C16orf96: variants seen among roughly 807,000 people sequenced by gnomAD.
The protein encoded by C16orf96 is chromosome 16 open reading frame 96.
Under a neutral mutation model 103.6 loss-of-function variants are expected in C16orf96, and 108 were observed. The ratio of observed to expected loss-of-function variants is 1.04; its 90% CI spans 0.89 to 1.22. The LOEUF is 1.22. Among genes scored for constraint, C16orf96 ranks in the 50% most tolerant of loss-of-function variants. The pLI is 0.00. For missense variants in C16orf96, 1,586 were observed against 1,464.2 expected (o/e 1.08, Z -1.36); for synonymous variants, 566 against 593.5 (o/e 0.95, Z 0.67).
At chr16:4,542,778 C>T in the C16orf96 span, among the ~76,000 whole-genome samples, 2 of 151,802 alleles carry the variant, frequency 1.3e-5, no homozygotes, top group Non-Finnish European at 2.9e-5. Flanking sequence ...GCCTGGGCGA[C>T]AAGCAAAACT....
At chr16:4,573,767 A>T (rs895355833) in intron 2 of C16orf96, among the ~76,000 whole-genome samples, 4 of 146,932 alleles carry the variant, frequency 2.7e-5, no homozygotes, top group African/African-American at 1.0e-4. Context: ...AAAAAAAAAA[A>T]GAAAAAAGAA....
At chr16:4,556,334 C>T (rs2059261969), upstream of C16orf96, among the ~76,000 whole-genome samples, 1 of 152,140 alleles carries the variant, frequency 6.6e-6, no homozygotes, top group Non-Finnish European at 1.5e-5. Flanking sequence ...GATCTGAGCT[C>T]CAGCCAGAAC....
At chr16:4,546,069 C>G in the C16orf96 span, among the ~76,000 whole-genome samples, 2 of 151,480 alleles carry the variant, frequency 1.3e-5, no homozygotes, top group Non-Finnish European at 2.9e-5. Context: ...AGGCTGATCT[C>G]GAACTCCTGA....
At chr16:4,599,975 C>A in intron 15 of C16orf96, 125 bp from the exon 16 acceptor site, 1 of 995,374 alleles carries the variant, frequency 1.0e-6, no homozygotes, top group Non-Finnish European at 1.5e-6. Flanking sequence ...GCCCAGCCGG[C>A]CATGGCCTGT....
At chr16:4,596,607 G>A (rs896920651) in intron 14 of C16orf96, among the ~76,000 whole-genome samples, 4 of 151,942 alleles carry the variant, frequency 2.6e-5, no homozygotes, top group Admixed American at 6.6e-5. Context: ...GCTTGAGCCC[G>A]GGAATTTGAG....
the C16orf96 span, chr16:4,538,768 A>C: frequency 1.3e-5 from 2 of 152,190 alleles, no homozygotes; most frequent in African/African-American, 4.8e-5. Context: ...TGGCAGTCGC[A>C]CTTCTGTCAC....
intron 7 of C16orf96, among the ~76,000 whole-genome samples, chr16:4,583,303 C>G (rs1025705945): frequency 6.6e-6 from 1 of 151,590 alleles, no homozygotes. Context: ...GACTTCAGGA[C>G]GAGCCTGGAC....
chr16:4,566,147 A>G (rs994021503), intron 1 of C16orf96, among the ~76,000 whole-genome samples: 4 of 152,192 alleles, frequency 2.6e-5, no homozygotes, highest in African/African-American at 9.6e-5. Flanking sequence ...TGCCTGGCCC[A>G]TGTGTGCAAG....
rs1167549101 is a variant in C16orf96 at position 4,600,320 on chromosome 16, C to G, written c.*3C>G. The G allele has an allele frequency of 6.5e-7, 1 of 1,545,488 alleles. No homozygotes were observed. Among genetic ancestry groups the G allele is most frequent in the South Asian group, 1.2e-5 (1 of 83,934 alleles). On this transcript the variant is annotated 3_prime_UTR_variant, in exon 16 of 16. Transcript: ENST00000444310. ...CCGAGGAGCCCGCCAACCCGTGAGC[C>G]CCACCCCGCTGCGCCCCCCATCGCC...
At position 4,574,772 on chromosome 16, in the gene C16orf96, G is replaced by A. The variant is rs946782191; in HGVS notation, c.589G>A (p.Ala197Thr). The A allele has an allele frequency of 1.3e-6, 2 of 1,551,646 alleles. No homozygotes were observed. The highest frequency in any genetic ancestry group is 1.7e-6 in the Non-Finnish European group (2 of 1,147,076). The change falls in exon 3 of 16, where the codon GCA becomes ACA. Residue 197 changes from alanine to threonine, a missense_variant. Coordinates refer to ENST00000444310, the MANE Select transcript of C16orf96 (RefSeq NM_001145011.2). Reference protein sequence around the residue: ...DFKIQNWKMVALQREVASLQN... With the variant: ...DFKIQNWKMVTLQREVASLQN... The stretch of plus-strand genomic sequence containing the variant: ...CAAAATACAGAACTGGAAGATGGTT[G>A]CACTGCAGCGGGAAGTGGTGAGGGC...
In C16orf96 at chr16:4,576,552, C is replaced by T. The variant is rs1188900730; in HGVS notation, c.2072C>T (p.Ala691Val). The T allele has an allele frequency of 3.2e-6, 5 of 1,551,480 alleles. No individual in the cohort carries two copies. The African/African-American group carries it at 5.5e-5, about 17-fold the overall frequency. Reference protein sequence around the residue: ...RAVKYSMSHIAQIPVKHDSLK... With the variant: ...RAVKYSMSHIVQIPVKHDSLK... The stretch of plus-strand genomic sequence containing the variant: ...GTCAAGTATTCCATGAGCCACATAG[C>T]CCAGATACCTGTCAAACACGACTCT... The change falls in exon 5 of 16, where the codon GCC becomes GTC. Residue 691 changes from alanine (A) to valine (V), a missense_variant. Physicochemically the swap from Ala to Val is moderately conservative, Grantham distance 64. Transcript: ENST00000444310.
the C16orf96 span, among the ~76,000 whole-genome samples, chr16:4,550,187 C>T: frequency 3.8e-4 from 57 of 151,642 alleles, no homozygotes; most frequent in South Asian, 4.2e-4. Context: ...CGGGCTCAAG[C>T]GATTCTCCTG....
At chr16:4,577,617 T>C (rs1659510) in intron 5 of C16orf96, among the ~76,000 whole-genome samples, 2 of 149,434 alleles carry the variant, frequency 1.3e-5, no homozygotes, top group African/African-American at 4.9e-5. Flanking sequence ...TGCCACTGCA[T>C]TCCAGCCTGG....
the C16orf96 span, among the ~76,000 whole-genome samples, chr16:4,550,352 T>C: frequency 1.3e-5 from 2 of 152,292 alleles, no homozygotes; most frequent in South Asian, 4.1e-4. Flanking sequence ...CCCACAGTGC[T>C]GAGATTACAG....
intron 1 of C16orf96, among the ~76,000 whole-genome samples, chr16:4,561,881 C>A (rs572959431): frequency 6.4e-4 from 98 of 152,258 alleles, no homozygotes; most frequent in African/African-American, 2.3e-3. Context: ...CTTCAGGCCT[C>A]GGTTTTTCTC....
upstream of C16orf96, among the ~76,000 whole-genome samples, chr16:4,553,015 G>A (rs746341050): frequency 2.6e-5 from 4 of 152,130 alleles, no homozygotes; most frequent in Non-Finnish European, 4.4e-5. Context: ...TCTGTGTTCT[G>A]ATACTAGAAA....
Position 4,572,306 on chromosome 16 carries a change from C to CTTT in C16orf96, c.525+650_525+652dup, listed in dbSNP as rs3992632. On this transcript the variant is annotated intron_variant, in intron 2 of 15. Coordinates refer to ENST00000444310, the MANE Select transcript of C16orf96 (RefSeq NM_001145011.2). ...AGGTACTCATGCAATACTTATATTTCTTTTTTTTTTTGAGATGGAGTCTCG... is the reference window on the plus strand; with the variant it reads ...AGGTACTCATGCAATACTTATATTTCTTTTTTTTTTTTTTGAGATGGAGTCTCG... Among the ~76,000 whole-genome samples the CTTT allele has an allele frequency of 4.6e-5, 6 of 131,668 alleles. 1 individual carries two copies. Among genetic ancestry groups the CTTT allele is most frequent in the African/African-American group, 5.8e-5 (2 of 34,486 alleles). 86.4% of individuals were successfully genotyped at this position (131,668 alleles called of 152,430 possible). A position where few individuals can be genotyped will look rare whatever the true frequency, so the allele number is the denominator to read the frequency against.
At chr16:4,571,830 AC>A (rs2059442085) in intron 2 of C16orf96, among the ~76,000 whole-genome samples, 165 bp downstream of exon 2, 1 of 147,530 alleles carries the variant, frequency 6.8e-6, no homozygotes, top group African/African-American at 2.5e-5. Flanking sequence ...CTTCTCTGTG[AC>A]CCCTCCATGC....
At chr16:4,571,266 C>T (rs1407405727) in intron 1 of C16orf96, among the ~76,000 whole-genome samples, 1 of 152,174 alleles carries the variant, frequency 6.6e-6, no homozygotes, top group Non-Finnish European at 1.5e-5. Context: ...GCTGTGCTTC[C>T]TCCCTGGCTG....
Sources: gnomAD v4.1 joint callset for allele counts (sites outside exome capture counted in the v4.1 genomes callset) on GRCh38, gnomAD v4.1.1 for gene constraint, MANE v1.5 for transcripts, NCBI Gene and HGNC (gene_info 2026-07-23, HGNC 2026-07-21) for gene names.